The following ACTN4 variants were observed in gnomAD, a reference collection of about 807,000 sequenced individuals.
ACTN4 encodes actinin alpha 4.
A neutral mutation model predicts 114.2 loss-of-function variants in ACTN4; 18 were observed. The observed-to-expected ratio is 0.16, with a 90% CI of 0.11 to 0.23. The LOEUF is 0.23. ACTN4 is among the 10% of genes least tolerant of loss of function. ACTN4 has a pLI of 1.00. For missense variants in ACTN4, 722 were observed against 1,262.9 expected (o/e 0.57, Z 6.49); for synonymous variants, 515 against 506.3 (o/e 1.02, Z -0.23).
At position 38,730,130 on chromosome 19, in the gene ACTN4, C is replaced by CA. The variant is rs74176459; in HGVS notation, c.*712dup. ...AAAAAAAACACAAAACAACAAAAAC[C>CA]AAAAAAAAAAAAAATCACAAAAACA... On this transcript the variant is annotated 3_prime_UTR_variant, in exon 21 of 21. Transcript: ENST00000252699. 12,781 of 121,464 alleles carry CA rather than the reference C, an allele frequency of 0.11. 578 individuals carry two copies. Among genetic ancestry groups the CA allele is most frequent in the South Asian group, 0.13 (501 of 3,864 alleles). 7.5% of individuals were successfully genotyped at this position (121,464 alleles called of 1,614,324 possible). A position where few individuals can be genotyped will look rare whatever the true frequency, so the allele number is the denominator to read the frequency against.
At position 38,689,434 on chromosome 19, in the gene ACTN4, T is replaced by C. The variant is rs957162527; in HGVS notation, c.163-11166T>C. 3.3e-5 allele frequency among the ~76,000 whole-genome samples: 5 copies of C among 152,088 alleles called. No homozygotes were observed. The East Asian group carries it at 9.7e-4, about 29-fold the overall frequency. On this transcript the variant is annotated intron_variant, in intron 1 of 20. Coordinates refer to ENST00000252699, the MANE Select transcript of ACTN4 (RefSeq NM_004924.6). Reference sequence around the variant, plus strand: ...GGCTGGGGGCTGGGTAGGAGGGAAGTGGGGTTGGAGAGTAACTGTACCAGT... The same window carrying C: ...GGCTGGGGGCTGGGTAGGAGGGAAGCGGGGTTGGAGAGTAACTGTACCAGT...
At chr19:38,680,839 G>A (rs1347274910) in intron 1 of ACTN4, among the ~76,000 whole-genome samples, 1 of 151,924 alleles carries the variant, frequency 6.6e-6, no homozygotes, top group Non-Finnish European at 1.5e-5. Context: ...AAAGTGCAGA[G>A]TCTTGGCCGG....
rs866856124 is a variant in ACTN4, at chr19:38,727,031, C to T, written c.2265C>T (p.Leu755=). 3.1e-6 allele frequency: 5 copies of T among 1,614,162 alleles called. No homozygotes were observed. In the Middle Eastern group the frequency reaches 4.9e-4, roughly 160 times the overall value. ...RTINEVENQI[L]TRDAKGISQE... ...TCAACGAGGTGGAGAACCAGATCCT[C>T]ACCCGCGACGCCAAGGGCATCAGCC... is the stretch of plus-strand genomic sequence containing the variant. Residue 755 remains leucine (L), a synonymous_variant, in exon 18 of 21, where the codon CTC becomes CTT. Transcript: ENST00000252699. The surrounding 1 kb of genome is among the most constrained non-coding windows in gnomAD (Gnocchi z 5.4).
intron 1 of ACTN4, among the ~76,000 whole-genome samples, chr19:38,685,927 A>G (rs1331224301): frequency 6.6e-6 from 1 of 152,198 alleles, no homozygotes. Flanking sequence ...GGCCTCGCAT[A>G]TTCACCCTTC....
At position 38,729,731 on chromosome 19, in the gene ACTN4, G is replaced by T; in HGVS notation, c.*299G>T. 1.7e-6 allele frequency: 1 copy of T among 590,654 alleles called. No individual in the cohort carries two copies. 36.6% of individuals were successfully genotyped at this position (590,654 alleles called of 1,614,324 possible). On this transcript the variant is annotated 3_prime_UTR_variant, in exon 21 of 21. Transcript: ENST00000252699. Reference sequence around the variant, plus strand: ...GCCAGTGGATTCCCACAGCACAACCGGTCCCTTCCATGCCCTGGGATGCCT... The same window carrying T: ...GCCAGTGGATTCCCACAGCACAACCTGTCCCTTCCATGCCCTGGGATGCCT...
chr19:38,661,077 C>T (rs1347922293), intron 1 of ACTN4, among the ~76,000 whole-genome samples: 2 of 152,140 alleles, frequency 1.3e-5, no homozygotes, highest in African/African-American at 2.4e-5. Context: ...GTGGTCAGAG[C>T]GGAGCCCGTG....
At chr19:38,662,909 G>T (rs940190978) in intron 1 of ACTN4, among the ~76,000 whole-genome samples, 3 of 142,260 alleles carry the variant, frequency 2.1e-5, no homozygotes, top group African/African-American at 5.2e-5. Context: ...AAGTGGGTCT[G>T]TTTTTTTTTT....
chr19:38,664,373 C>T (rs546186181), intron 1 of ACTN4, among the ~76,000 whole-genome samples: 10 of 152,200 alleles, frequency 6.6e-5, no homozygotes, highest in African/African-American at 2.4e-4. Context: ...CCCACACCGA[C>T]AAACCGAGTT....
chr19:38,721,060 G>A lies in ACTN4; in HGVS notation c.1292-478G>A, dbSNP rs546825043. On this transcript the variant is annotated intron_variant, in intron 11 of 20. Transcript: ENST00000252699. Reference sequence around the variant, plus strand: ...ACCTTAGGACAGCGTGGGGCACTTAGACGTGGAGAGGACCACCACCTGTGC... The same window carrying A: ...ACCTTAGGACAGCGTGGGGCACTTAAACGTGGAGAGGACCACCACCTGTGC... Among the ~76,000 whole-genome samples, 12 of 152,340 alleles carry A rather than the reference G, an allele frequency of 7.9e-5. No individual in the cohort carries two copies. The South Asian group carries it at 2.3e-3, about 29-fold the overall frequency.
chr19:38,722,324 C>T (rs1172791314), intron 12 of ACTN4, among the ~76,000 whole-genome samples: 3 of 152,278 alleles, frequency 2.0e-5, no homozygotes, highest in East Asian at 1.9e-4. Context: ...CACAGGCCCT[C>T]GAGGGGCAGC....
At chr19:38,714,165 C>T (rs1029331562) in intron 8 of ACTN4, among the ~76,000 whole-genome samples, 2 of 152,228 alleles carry the variant, frequency 1.3e-5, no homozygotes, top group African/African-American at 4.8e-5. Flanking sequence ...GCCGACCCGT[C>T]CAGCCTCACC....
intron 1 of ACTN4, among the ~76,000 whole-genome samples, chr19:38,681,742 C>T (rs1353953777): frequency 6.6e-6 from 1 of 152,204 alleles, no homozygotes; most frequent in Non-Finnish European, 1.5e-5. Flanking sequence ...CCCCCAGACC[C>T]TTGGTTGTGA....
In ACTN4 at chr19:38,648,015, G is replaced by A. The variant is rs369890154; in HGVS notation, c.162+108G>A. 1.2e-4 allele frequency: 153 copies of A among 1,285,884 alleles called. 2 individuals are homozygous for A. The East Asian group carries it at 3.0e-3, about 25-fold the overall frequency. 79.7% of individuals were successfully genotyped at this position (1,285,884 alleles called of 1,614,324 possible). A position where few individuals can be genotyped will look rare whatever the true frequency, so the allele number is the denominator to read the frequency against. ...GGAGCGTCTGTGATGGGAACGGGGG[G>A]GTCCCGAGAAGGAATTGGCGGGTCC... On this transcript the variant is annotated intron_variant, in intron 1 of 20. Coordinates refer to ENST00000252699, the MANE Select transcript of ACTN4 (RefSeq NM_004924.6).
rs1969256232 is a variant in ACTN4 at position 38,726,993 on chromosome 19, A to G, written c.2227A>G (p.Ile743Val). 1 of 1,613,924 alleles carries G rather than the reference A, an allele frequency of 6.2e-7. No individual in the cohort carries two copies. Among genetic ancestry groups the G allele is most frequent in the South Asian group, 1.1e-5 (1 of 91,090 alleles). ...RVGWEQLLTT[I>V]ARTINEVENQ... ...GGGCTGGGAGCAGCTGCTCACCACC[A>G]TTGCCCGCACCATCAACGAGGTGGA... The change falls in exon 18 of 21, where the codon ATT (isoleucine) becomes GTT (valine). Residue 743 changes from isoleucine to valine, a missense_variant. By Grantham distance (29) the Ile-to-Val change is conservative. Around this residue, in one of 3 missense-constraint regions of ACTN4, gnomAD observed 523 missense variants for 875.9 expected, o/e 0.60. Transcript: ENST00000252699.
At chr19:38,684,672 A>G (rs1050750265) in intron 1 of ACTN4, among the ~76,000 whole-genome samples, 3 of 152,158 alleles carry the variant, frequency 2.0e-5, no homozygotes, top group Non-Finnish European at 4.4e-5. Flanking sequence ...TGGAGCAATT[A>G]TGAGTCAGAG....
At chr19:38,652,477 C>T (rs1976593917) in intron 1 of ACTN4, among the ~76,000 whole-genome samples, 1 of 152,098 alleles carries the variant, frequency 6.6e-6, no homozygotes, top group African/African-American at 2.4e-5. Flanking sequence ...TGGAGTGGCA[C>T]CTGCCACTCA....
Position 38,721,547 on chromosome 19 carries a change from C to T in ACTN4, c.1301C>T (p.Ala434Val), listed in dbSNP as rs1969041804. The change falls in exon 12 of 21, where the codon GCC becomes GTC. Residue 434 changes from alanine (A) to valine (V), a missense_variant. Around this residue, in one of 3 missense-constraint regions of ACTN4, gnomAD observed 523 missense variants for 875.9 expected, o/e 0.60. Transcript: ENST00000252699. The stretch of plus-strand genomic sequence containing the variant: ...TCTCTGCTCCTACCAGGGAAGGAAG[C>T]CATGCTGAAGCACCGGGACTACGAG... The part of the protein sequence containing the change: ...IHEAWTDGKE[A>V]MLKHRDYETA... 1.9e-6 allele frequency: 3 copies of T among 1,613,926 alleles called. No individual in the cohort carries two copies. The highest frequency in any genetic ancestry group is 1.3e-5 in the African/African-American group (1 of 75,050).
intron 1 of ACTN4, among the ~76,000 whole-genome samples, chr19:38,661,888 G>A (rs907741280): frequency 2.3e-4 from 35 of 152,228 alleles, no homozygotes; most frequent in Admixed American, 1.2e-3. Context: ...TCCTGACCTC[G>A]TTATCCGCCC....
intron 1 of ACTN4, among the ~76,000 whole-genome samples, chr19:38,667,981 G>A (rs556190174): frequency 6.6e-6 from 1 of 152,336 alleles, no homozygotes; most frequent in South Asian, 2.1e-4. Context: ...GCGGAAGGCA[G>A]TCAGAAGAGC....
Sources: gnomAD v4.1 joint callset for allele counts (sites outside exome capture counted in the v4.1 genomes callset) on GRCh38, gnomAD v4.1.1 for gene constraint, gnomAD v4.1.1 regional missense constraint, Gnocchi (gnomAD v3.1) non-coding constraint, MANE v1.5 for transcripts, NCBI Gene and HGNC (gene_info 2026-07-23, HGNC 2026-07-21) for gene names.